ESRRG: variants seen among roughly 807,000 people sequenced by gnomAD.
ESRRG encodes estrogen-related receptor gamma.
A neutral mutation model predicts 44.0 loss-of-function variants in ESRRG; 13 were observed. The observed-to-expected ratio is 0.30, with a 90% CI of 0.19 to 0.47. The LOEUF is 0.47. ESRRG is among the 20% of genes least tolerant of loss of function. The pLI, the probability that ESRRG is intolerant of heterozygous loss-of-function variation, is 1.00. For synonymous variants in ESRRG, 215 were observed against 214.6 expected, an observed-to-expected ratio of 1.00 and a Z score of -0.02; for missense variants, 395 against 580.6, an observed-to-expected ratio of 0.68 and a Z score of 3.29.
intron 6 of ESRRG, among the ~76,000 whole-genome samples, chr1:216,516,660 C>CAA (rs2044372094): frequency 7.9e-6 from 1 of 126,230 alleles, no homozygotes; most frequent in Non-Finnish European, 1.6e-5. Flanking sequence ...CACACACACA[C>CAA]ACACACACAG....
chr1:216,532,245 A>T (rs2049595664), intron 5 of ESRRG, among the ~76,000 whole-genome samples: 1 of 152,108 alleles, frequency 6.6e-6, no homozygotes, highest in Non-Finnish European at 1.5e-5. Flanking sequence ...ATACCCAAGC[A>T]GCTGGTTAAG....
chr1:216,775,551 C>G (rs1388418415), intron 2 of ESRRG, among the ~76,000 whole-genome samples: 1 of 74,786 alleles, frequency 1.3e-5, no homozygotes, highest in African/African-American at 4.7e-5. Flanking sequence ...AATGTCACAT[C>G]TTTTTTTTTT....
chr1:216,989,978 G>A (rs2075433411), intron 1 of ESRRG, among the ~76,000 whole-genome samples: 1 of 152,120 alleles, frequency 6.6e-6, no homozygotes, highest in South Asian at 2.1e-4. Flanking sequence ...TTTTTATAAT[G>A]TGTCTTAGCT....
intron 1 of ESRRG, among the ~76,000 whole-genome samples, chr1:216,681,632 T>C (rs566537067): frequency 6.6e-6 from 1 of 152,346 alleles, no homozygotes; most frequent in South Asian, 2.1e-4. Context: ...CTAGCCCTGC[T>C]TAGGGTCAGC....
chr1:217,135,226 C>T (rs1456915115), intron 1 of ESRRG, among the ~76,000 whole-genome samples: 3 of 151,890 alleles, frequency 2.0e-5, no homozygotes, highest in African/African-American at 4.8e-5. Context: ...AGCTCGGGCA[C>T]GCGCTTTTCC....
At chr1:216,516,944 G>A (rs1317585333) in intron 6 of ESRRG, among the ~76,000 whole-genome samples, 1 of 152,094 alleles carries the variant, frequency 6.6e-6, no homozygotes, top group Non-Finnish European at 1.5e-5. Context: ...TTGCAGGTTA[G>A]GTGGGTGAAG....
At chr1:216,543,776 T>C (rs2053613101) in intron 5 of ESRRG, among the ~76,000 whole-genome samples, 2 of 152,036 alleles carry the variant, frequency 1.3e-5, no homozygotes, top group African/African-American at 2.4e-5. Flanking sequence ...AACACGATAA[T>C]GACAAGTAGA....
intron 3 of ESRRG, among the ~76,000 whole-genome samples, chr1:216,608,121 A>C (rs575358462): frequency 6.6e-6 from 1 of 152,340 alleles, no homozygotes; most frequent in Admixed American, 6.5e-5. Context: ...GGTATTTGCT[A>C]TATGAGACAC....
intron 1 of ESRRG, among the ~76,000 whole-genome samples, chr1:217,101,230 C>T: frequency 6.6e-6 from 1 of 152,202 alleles, no homozygotes; most frequent in East Asian, 1.9e-4. Context: ...CAAACCCTTC[C>T]TGACCACCTA....
intron 3 of ESRRG, among the ~76,000 whole-genome samples, chr1:216,571,397 C>T (rs543350788): frequency 2.6e-5 from 4 of 152,030 alleles, no homozygotes; most frequent in African/African-American, 4.8e-5. Context: ...GAACCAAGAT[C>T]GCACCATTGC....
At chr1:216,972,864 G>A (rs1305451560) in intron 1 of ESRRG, among the ~76,000 whole-genome samples, 1 of 152,140 alleles carries the variant, frequency 6.6e-6, no homozygotes, top group East Asian at 1.9e-4. Flanking sequence ...GTGTTGTTCT[G>A]GTTGATATTA....
intron 2 of ESRRG, among the ~76,000 whole-genome samples, chr1:216,669,862 G>A (rs181104331): frequency 6.6e-6 from 1 of 151,574 alleles, no homozygotes; most frequent in Admixed American, 6.6e-5. Context: ...CTTTAGCCTG[G>A]GTAACAGAAA....
At chr1:216,603,474 T>C (rs73089949) in intron 3 of ESRRG, among the ~76,000 whole-genome samples, 1,551 of 152,314 alleles carry the variant, frequency 0.01, 24 homozygotes, top group African/African-American at 0.034. Flanking sequence ...AAAGACACTA[T>C]TGAATGCTAA....
At chr1:216,808,413 A>G (rs1559717652) in intron 2 of ESRRG, among the ~76,000 whole-genome samples, 1 of 152,104 alleles carries the variant, frequency 6.6e-6, no homozygotes, top group Non-Finnish European at 1.5e-5. Context: ...CAATGAATCT[A>G]AAATTTATTT....
At chr1:217,049,609 T>C (rs1890557) in intron 1 of ESRRG, among the ~76,000 whole-genome samples, 13,021 of 152,222 alleles carry the variant, frequency 0.086, 1,462 homozygotes, top group African/African-American at 0.26. Context: ...ATTGGTACTG[T>C]CAAGAAGATC....
chr1:216,751,725 G>A (rs1012772241), intron 2 of ESRRG, among the ~76,000 whole-genome samples: 9 of 150,682 alleles, frequency 6.0e-5, no homozygotes, highest in Admixed American at 2.6e-4. Context: ...CTGTCCCTTC[G>A]CTTCTTTCCT....
chr1:217,022,896 G>A (rs1356773375), intron 1 of ESRRG, among the ~76,000 whole-genome samples: 1 of 152,152 alleles, frequency 6.6e-6, no homozygotes, highest in Non-Finnish European at 1.5e-5. Context: ...TGGAAGGAAG[G>A]CAGGAAAGGA....
intron 1 of ESRRG, among the ~76,000 whole-genome samples, chr1:217,077,463 C>T (rs1327250438): frequency 6.6e-6 from 1 of 152,122 alleles, no homozygotes; most frequent in African/African-American, 2.4e-5. Context: ...ACCTAAAAAG[C>T]TTTCAAGGGT....
intron 3 of ESRRG, among the ~76,000 whole-genome samples, chr1:216,570,113 GTTGA>G (rs1356673068): frequency 1.3e-5 from 2 of 152,120 alleles, no homozygotes; most frequent in Non-Finnish European, 2.9e-5. Context: ...TACTTTAAGC[GTTGA>G]TTATCTTTTA....
Sources: allele counts gnomAD v4.1 joint callset (sites outside exome capture counted in the v4.1 genomes callset), GRCh38; gene constraint gnomAD v4.1.1; transcripts MANE v1.5; gene names NCBI Gene and HGNC (gene_info 2026-07-23, HGNC 2026-07-21).